The following BLOC1S1 variants were observed in gnomAD, a reference collection of about 807,000 sequenced individuals.
The protein encoded by BLOC1S1 is biogenesis of lysosomal organelles complex 1 subunit 1, also known as biogenesis of lysosome-related organelles complex 1 subunit 1.
BLOC1S1 carries 11 observed loss-of-function variants against 19.0 expected under a neutral mutation model. That is an observed-to-expected ratio of 0.58 (90% CI 0.37 to 0.96). BLOC1S1 has a LOEUF of 0.96. BLOC1S1 is among the 40% of genes least tolerant of loss of function. The probability of loss-of-function intolerance (pLI) is 0.01; values close to 1 mark genes in which losing one functional copy is unlikely to be tolerated. For missense variants in BLOC1S1, 220 were observed against 195.9 expected (o/e 1.12, Z -0.73); for synonymous variants, 94 against 76.4 (o/e 1.23, Z -1.20).
At chr12:55,717,052 C>G in intron 2 of BLOC1S1, 47 bp downstream of exon 2, 1 of 1,497,496 alleles carries the variant, frequency 6.7e-7, no homozygotes, top group East Asian at 2.5e-5. Flanking sequence ...CCACCCCGCC[C>G]AAGTTTAGGC....
At position 55,719,140 on chromosome 12, in the gene BLOC1S1, AC is replaced by A; in HGVS notation, c.271del (p.Leu91TyrfsTer85). 1 of 1,613,754 alleles carries A rather than the reference AC, an allele frequency of 6.2e-7. No individual in the cohort carries two copies. Among genetic ancestry groups the A allele is most frequent in the Non-Finnish European group, 8.5e-7 (1 of 1,179,980 alleles). On this transcript the variant is annotated frameshift_variant, in exon 3 of 4. Transcript: ENST00000548925. LOFTEE classifies it high-confidence loss of function. Reference sequence around the variant, plus strand: ...GAGAAAGCTGGACCATGAGGTGAAGACCCTACAGGTCCAGGCTGCCCAATTT... The same window carrying A: ...GAGAAAGCTGGACCATGAGGTGAAGACCTACAGGTCCAGGCTGCCCAATTT... ...NQRKLDHEVK[T>X]LQVQAAQFAK...
At chr12:55,716,677 A>G in intron 1 of BLOC1S1, 1 of 1,300,480 alleles carries the variant, frequency 7.7e-7, no homozygotes, top group African/African-American at 1.6e-5. Flanking sequence ...CCTGGGAGTC[A>G]GGAGTCCTGG....
chr12:55,719,476 C>G lies in BLOC1S1; in HGVS notation c.352-23C>G, dbSNP rs956254263. 4 of 1,607,444 alleles carry G rather than the reference C, an allele frequency of 2.5e-6. No homozygotes were observed. The African/African-American group carries it at 4.0e-5, about 16-fold the overall frequency. ...TCTACCCATTCTGATTCCTGGGCTC[C>G]CACCTCCTCTCCCCCTTCCCAGGAA... On this transcript the variant is annotated intron_variant, in intron 3 of 3. Transcript: ENST00000548925.
intron 2 of BLOC1S1, 141 bp downstream of exon 2, chr12:55,717,146 C>T (rs1876623671): frequency 1.5e-5 from 9 of 606,566 alleles, no homozygotes; most frequent in Non-Finnish European, 2.5e-5. Flanking sequence ...CCTCCCAGCT[C>T]TTTGTAGAGC....
intron 2 of BLOC1S1, among the ~76,000 whole-genome samples, chr12:55,718,124 G>C (rs1876713072): frequency 6.6e-6 from 1 of 152,184 alleles, no homozygotes; most frequent in Non-Finnish European, 1.5e-5. Context: ...GATTAGAAAG[G>C]GTTTTGTGTT....
chr12:55,718,339 C>A (rs1876726465), intron 2 of BLOC1S1, among the ~76,000 whole-genome samples: 1 of 152,112 alleles, frequency 6.6e-6, no homozygotes, highest in African/African-American at 2.4e-5. Context: ...AATTCAACAG[C>A]CAATAAAGGA....
At chr12:55,718,883 G>A (rs1211714122) in intron 2 of BLOC1S1, among the ~76,000 whole-genome samples, 1 of 152,054 alleles carries the variant, frequency 6.6e-6, no homozygotes, top group African/African-American at 2.4e-5. Context: ...AGTCAGCTCC[G>A]AGCTTGGCTC....
intron 1 of BLOC1S1, 46 bp from the exon 2 acceptor site, chr12:55,716,887 C>G: frequency 1.3e-6 from 2 of 1,554,188 alleles, no homozygotes; most frequent in Non-Finnish European, 1.7e-6. Flanking sequence ...CACTACCCCT[C>G]AAAAAACCAA....
Position 55,716,963 on chromosome 12 carries a change from C to T in BLOC1S1, c.176C>T (p.Ala59Val). Reference sequence around the variant, plus strand: ...AGGAGGCGAGAGGCTATCACTGCAGCGACCTGCCTGACAGAAGCTTTGGTG... The same window carrying T: ...AGGAGGCGAGAGGCTATCACTGCAGTGACCTGCCTGACAGAAGCTTTGGTG... ...EKRRREAITAATCLTEALVDH... is the reference protein window; with the variant it reads ...EKRRREAITAVTCLTEALVDH... Residue 59 changes from alanine to valine, a missense_variant, in exon 2 of 4, where the codon GCG becomes GTG. Coordinates refer to ENST00000548925, the MANE Select transcript of BLOC1S1 (RefSeq NM_001487.4). 1 of 1,596,954 alleles carries T rather than the reference C, an allele frequency of 6.3e-7. No homozygotes were observed. The highest frequency in any genetic ancestry group is 8.5e-7 in the Non-Finnish European group (1 of 1,172,792).
intron 2 of BLOC1S1, among the ~76,000 whole-genome samples, chr12:55,717,542 G>GT (rs1876663038): frequency 6.6e-6 from 1 of 151,606 alleles, no homozygotes; most frequent in African/African-American, 2.4e-5. Flanking sequence ...GAGAATGCAA[G>GT]TAACAGCCAA....
chr12:55,716,063 G>A lies in BLOC1S1; in HGVS notation c.12G>A (p.Gly4=), dbSNP rs1270114849. The A allele has an allele frequency of 9.0e-6, 14 of 1,561,380 alleles. No homozygotes were observed. The highest frequency in any genetic ancestry group is 1.1e-5 in the Non-Finnish European group (13 of 1,153,826). MAP[G]SRGERSSFRS... Reference sequence around the variant, plus strand: ...AGCGGTCACGTGACATGGCCCCGGGGAGCCGAGGTGAGCGTTCCAGCTTCC... The same window carrying A: ...AGCGGTCACGTGACATGGCCCCGGGAAGCCGAGGTGAGCGTTCCAGCTTCC... The change falls in exon 1 of 4, where the codon GGG becomes GGA. Residue 4 remains glycine (G), a synonymous_variant. Coordinates refer to ENST00000548925, the MANE Select transcript of BLOC1S1 (RefSeq NM_001487.4).
Position 55,716,988 on chromosome 12 carries a change from G to C in BLOC1S1, c.201G>C (p.Val67=). The C allele has an allele frequency of 6.3e-7, 1 of 1,598,382 alleles. No individual in the cohort carries two copies. Among genetic ancestry groups the C allele is most frequent in the Non-Finnish European group, 8.5e-7 (1 of 1,173,450 alleles). ...TAATCLTEAL[V]DHLNVGVAQA... ...CGACCTGCCTGACAGAAGCTTTGGT[G>C]GATCACCTCAATGTGGGGTATGGAC... is the stretch of plus-strand genomic sequence containing the variant. Residue 67 remains valine (V), a synonymous_variant, in exon 2 of 4, where the codon GTG becomes GTC. Coordinates refer to ENST00000548925, the MANE Select transcript of BLOC1S1 (RefSeq NM_001487.4).
chr12:55,718,200 C>G (rs749001015), intron 2 of BLOC1S1, among the ~76,000 whole-genome samples: 4 of 152,234 alleles, frequency 2.6e-5, no homozygotes, highest in Non-Finnish European at 4.4e-5. Context: ...TGGCCCCTGT[C>G]AGGTGTCCTG....
At chr12:55,718,411 C>T (rs951884682) in intron 2 of BLOC1S1, among the ~76,000 whole-genome samples, 20 of 152,100 alleles carry the variant, frequency 1.3e-4, no homozygotes, top group Non-Finnish European at 2.5e-4. Context: ...GGGACACCAA[C>T]CCCATGGTAG....
At chr12:55,717,121 C>A in intron 2 of BLOC1S1, 116 bp downstream of exon 2, 2 of 767,628 alleles carry the variant, frequency 2.6e-6, no homozygotes, top group South Asian at 2.1e-5. Context: ...ACTAATTCCC[C>A]TATCCTACCC....
In BLOC1S1 at chr12:55,719,191, G is replaced by A. The variant is rs369588426; in HGVS notation, c.319G>A (p.Gly107Arg). Residue 107 changes from glycine (G) to arginine (R), a missense_variant, in exon 3 of 4, where the codon GGA (glycine) becomes AGA (arginine). Gly to Arg is a moderately radical substitution (Grantham distance 125). Coordinates refer to ENST00000548925, the MANE Select transcript of BLOC1S1 (RefSeq NM_001487.4). ...TGCCAAGCAGACAGGCCAGTGGATCGGAATGGTGGAGAACTTCAACCAGGC... is the reference window on the plus strand; with the variant it reads ...TGCCAAGCAGACAGGCCAGTGGATCAGAATGGTGGAGAACTTCAACCAGGC... Reference protein sequence around the residue: ...QFAKQTGQWIGMVENFNQALK... With the variant: ...QFAKQTGQWIRMVENFNQALK... 5.4e-5 allele frequency: 87 copies of A among 1,613,826 alleles called. No homozygotes were observed. Among genetic ancestry groups the A allele is most frequent in the Non-Finnish European group, 6.8e-5 (80 of 1,180,026 alleles).
chr12:55,716,635 C>A, intron 1 of BLOC1S1: 1 of 1,246,046 alleles, frequency 8.0e-7, no homozygotes, highest in Non-Finnish European at 1.0e-6. Context: ...TCGGAGTTAC[C>A]GATTCTGCGG....
At chr12:55,719,366 G>A (rs1012552963) in intron 3 of BLOC1S1, 133 bp from the exon 4 acceptor site, 38 of 1,489,330 alleles carry the variant, frequency 2.6e-5, no homozygotes, top group Admixed American at 2.3e-4. Flanking sequence ...AAAAGGTAGA[G>A]AAAGAAAGAA....
chr12:55,719,505 G>A lies in BLOC1S1; in HGVS notation c.358G>A (p.Gly120Arg), dbSNP rs1694980045. 6.2e-7 allele frequency: 1 copy of A among 1,614,116 alleles called. No individual in the cohort carries two copies. The highest frequency in any genetic ancestry group is 8.5e-7 in the Non-Finnish European group (1 of 1,179,936). ...ENFNQALKEI[G>R]DVENWARSIE... ...CTCCTCTCCCCCTTCCCAGGAAATT[G>A]GGGATGTGGAGAACTGGGCTCGGAG... The change falls in exon 4 of 4, where the codon GGG (glycine) becomes AGG (arginine). Residue 120 changes from glycine (G) to arginine (R), a missense_variant. Gly to Arg is a moderately radical substitution (Grantham distance 125, BLOSUM62 -2). Coordinates refer to ENST00000548925, the MANE Select transcript of BLOC1S1 (RefSeq NM_001487.4).
Sources: allele counts gnomAD v4.1 joint callset (sites outside exome capture counted in the v4.1 genomes callset), GRCh38; gene constraint gnomAD v4.1.1; transcripts MANE v1.5; gene names NCBI Gene and HGNC (gene_info 2026-07-23, HGNC 2026-07-21).